The following MTMR9 variants were observed in gnomAD, a reference collection of about 807,000 sequenced individuals.
MTMR9 encodes myotubularin related protein 9, also known as myotubularin-related protein 9.
MTMR9 carries 39 observed loss-of-function variants against 69.5 expected under a neutral mutation model. The observed-to-expected ratio is 0.56, with a 90% confidence interval of 0.43 to 0.73. MTMR9 has a LOEUF of 0.73. Ranked by LOEUF, MTMR9 falls within the 30% of genes least tolerant of loss-of-function variation. MTMR9 has a pLI of 0.00. For synonymous variants in MTMR9, 354 were observed against 240.8 expected (o/e 1.47, Z -4.35); for missense variants, 900 against 671.2 (o/e 1.34, Z -3.77).
chr8:11,298,931 C>A, intron 2 of MTMR9: 1 of 929,258 alleles, frequency 1.1e-6, no homozygotes, highest in Non-Finnish European at 1.3e-6. Context: ...AGAATGGATC[C>A]CTGCAGCATG....
At chr8:11,306,155 C>G (rs1378186241) in intron 4 of MTMR9, 35 bp from the exon 5 acceptor site, 3 of 1,584,514 alleles carry the variant, frequency 1.9e-6, no homozygotes, top group Non-Finnish European at 2.6e-6. Context: ...TTAAAAGCAA[C>G]TGCTGTTGAA....
intron 6 of MTMR9, among the ~76,000 whole-genome samples, chr8:11,310,982 C>A (rs1319871422): frequency 6.6e-6 from 1 of 152,104 alleles, no homozygotes; most frequent in Non-Finnish European, 1.5e-5. Context: ...TTAATTTTGC[C>A]ATGTTTGAGT....
At chr8:11,331,573 G>T, downstream of MTMR9, 1 of 1,613,764 alleles carries the variant, frequency 6.2e-7, no homozygotes, top group South Asian at 1.1e-5. Context: ...GGTCTCGGTG[G>T]CTACGAGTGG....
chr8:11,284,955 C>A lies in MTMR9; in HGVS notation c.67C>A (p.Pro23Thr), dbSNP rs774089621. 4 of 1,613,968 alleles carry A rather than the reference C, an allele frequency of 2.5e-6. No homozygotes were observed. In the Admixed American group the frequency reaches 6.7e-5, roughly 27 times the overall value. ...TGTGGTGCTGCACCGGCCTTTCTAC[C>A]CGGCTGTCGAGGGCACCCTGTGCCT... ...DNVVLHRPFYPAVEGTLCLTG... is the reference protein window; with the variant it reads ...DNVVLHRPFYTAVEGTLCLTG... Residue 23 changes from proline (P) to threonine (T), a missense_variant, in exon 1 of 10, where the codon CCG (proline) becomes ACG (threonine). Coordinates refer to ENST00000221086, the MANE Select transcript of MTMR9 (RefSeq NM_015458.4).
In MTMR9 at chr8:11,324,989, C is replaced by T. The variant is rs1234585346; in HGVS notation, c.*2201C>T. ...GGGATGATGTACCATCAAGGTAGAC[C>T]CATCTTCCTGATGCACATTTGCTGT... is the stretch of plus-strand genomic sequence containing the variant. On this transcript the variant is annotated 3_prime_UTR_variant, in exon 10 of 10. Coordinates refer to ENST00000221086, the MANE Select transcript of MTMR9 (RefSeq NM_015458.4). 1 of 152,194 alleles carries T rather than the reference C, an allele frequency of 6.6e-6. No homozygotes were observed. Among genetic ancestry groups the T allele is most frequent in the East Asian group, 1.9e-4 (1 of 5,196 alleles). 9.4% of individuals were successfully genotyped at this position (152,194 alleles called of 1,614,324 possible). A position where few individuals can be genotyped will look rare whatever the true frequency, so the allele number is the denominator to read the frequency against.
Position 11,322,692 on chromosome 8 carries a change from C to G in MTMR9, c.1554C>G (p.Ile518Met), listed in dbSNP as rs765889359. Reference sequence around the variant, plus strand: ...AAGCATATGAAGAAATGGTTAACATCATTGAATATAATAAAGAATTACAAG... The same window carrying G: ...AAGCATATGAAGAAATGGTTAACATGATTGAATATAATAAAGAATTACAAG... ...LDEAYEEMVN[I>M]IEYNKELQAK... The change falls in exon 10 of 10, where the codon ATC becomes ATG. Residue 518 changes from isoleucine to methionine, a missense_variant. Ile to Met is a conservative substitution (Grantham distance 10, BLOSUM62 1). Coordinates refer to ENST00000221086, the MANE Select transcript of MTMR9 (RefSeq NM_015458.4). The G allele has an allele frequency of 1.2e-6, 2 of 1,613,642 alleles. No homozygotes were observed. Among genetic ancestry groups the G allele is most frequent in the Non-Finnish European group, 1.7e-6 (2 of 1,179,694 alleles).
chr8:11,301,349 T>C (rs1321502061), intron 3 of MTMR9, among the ~76,000 whole-genome samples: 1 of 152,116 alleles, frequency 6.6e-6, no homozygotes, highest in African/African-American at 2.4e-5. Flanking sequence ...AAATAAACCT[T>C]CCCCTTAATG....
chr8:11,316,786 T>C lies in MTMR9; in HGVS notation c.1227T>C (p.Arg409=). 1 of 1,614,016 alleles carries C rather than the reference T, an allele frequency of 6.2e-7. No individual in the cohort carries two copies. Among genetic ancestry groups the C allele is most frequent in the Non-Finnish European group, 8.5e-7 (1 of 1,179,980 alleles). The change falls in exon 8 of 10, where the codon CGT becomes CGC. Residue 409 remains arginine (R), a synonymous_variant. Coordinates refer to ENST00000221086, the MANE Select transcript of MTMR9 (RefSeq NM_015458.4). ...LFLDCVWQIL[R]QFPCSFEFNE... ...TGGACTGCGTGTGGCAGATCCTTCG[T>C]CAGTTTCCCTGTTCTTTTGAGTTTA...
downstream of MTMR9, among the ~76,000 whole-genome samples, chr8:11,329,676 C>A (rs1007124861): frequency 6.6e-6 from 1 of 152,232 alleles, no homozygotes. Context: ...ACCTCCACCT[C>A]CCAGCCGCCT....
In MTMR9 at chr8:11,327,055, T is replaced by C. The variant is rs545230774; in HGVS notation, c.*4267T>C. 1 of 152,286 alleles carries C rather than the reference T, an allele frequency of 6.6e-6. No homozygotes were observed. The highest frequency in any genetic ancestry group is 1.9e-4 in the East Asian group (1 of 5,186). 9.4% of individuals were successfully genotyped at this position (152,286 alleles called of 1,614,324 possible). A position where few individuals can be genotyped will look rare whatever the true frequency, so the allele number is the denominator to read the frequency against. On this transcript the variant is annotated 3_prime_UTR_variant, in exon 10 of 10. Transcript: ENST00000221086. ...ATATACTGATACTATAACTTTCTTA[T>C]GGTATCAGTTTTCTTTATTTTCTTG...
At chr8:11,295,051 CCTTG>C (rs1385018525) in intron 1 of MTMR9, 139 bp from the exon 2 acceptor site, 11 of 509,502 alleles carry the variant, frequency 2.2e-5, no homozygotes, top group Admixed American at 3.5e-5. Flanking sequence ...AATGATGCAG[CCTTG>C]CTTCTTCCTT....
At chr8:11,330,143 G>C (rs892685011), downstream of MTMR9, among the ~76,000 whole-genome samples, 4 of 151,920 alleles carry the variant, frequency 2.6e-5, no homozygotes, top group African/African-American at 7.2e-5. Context: ...CCCCGTCCGG[G>C]AGGGAGGTCG....
chr8:11,335,221 G>T, the MTMR9 span, among the ~76,000 whole-genome samples: 3 of 152,180 alleles, frequency 2.0e-5, no homozygotes, highest in South Asian at 6.2e-4. Context: ...TTATAGCAAG[G>T]TTGCAGGGTG....
At chr8:11,294,394 T>G (rs1228774177) in intron 1 of MTMR9, among the ~76,000 whole-genome samples, 1 of 152,108 alleles carries the variant, frequency 6.6e-6, no homozygotes, top group Admixed American at 6.6e-5. Context: ...GTAAATGCCC[T>G]TATCAGGTTG....
chr8:11,319,022 C>A (rs1800547709), intron 8 of MTMR9: 1 of 151,796 alleles, frequency 6.6e-6, no homozygotes, highest in Non-Finnish European at 1.5e-5. Flanking sequence ...CAGAATCTCA[C>A]AAATCGCCAC....
rs1437171249 is a variant in MTMR9, at chr8:11,319,942, G to GC, written c.1486+107dup. ...GTATGAAGATGGTGAGCTGGACGTGGCCCTCAGACCTGTGTGAATTGTCAT... is the reference window on the plus strand; with the variant it reads ...GTATGAAGATGGTGAGCTGGACGTGGCCCCTCAGACCTGTGTGAATTGTCAT... On this transcript the variant is annotated intron_variant, in intron 9 of 9. Transcript: ENST00000221086. 52 of 1,159,176 alleles carry GC rather than the reference G, an allele frequency of 4.5e-5. 2 individuals carry two copies. In the South Asian group the frequency reaches 7.5e-4, roughly 17 times the overall value. The allele number at this position is 1,159,176 out of a possible 1,614,324, so 71.8% of individuals were successfully genotyped here. A position where few individuals can be genotyped will look rare whatever the true frequency, so the allele number is the denominator to read the frequency against.
chr8:11,293,018 C>G (rs968004310), intron 1 of MTMR9, among the ~76,000 whole-genome samples: 1 of 152,176 alleles, frequency 6.6e-6, no homozygotes, highest in Non-Finnish European at 1.5e-5. Flanking sequence ...AGAATGTTAA[C>G]TGTAAAACAG....
chr8:11,306,949 C>T (rs774231794), intron 5 of MTMR9, among the ~76,000 whole-genome samples: 6 of 152,226 alleles, frequency 3.9e-5, no homozygotes, highest in Non-Finnish European at 7.3e-5. Flanking sequence ...TTAGATTCCA[C>T]ATATAAGTGA....
At chr8:11,317,536 G>A (rs920463769) in intron 8 of MTMR9, 1 of 152,156 alleles carries the variant, frequency 6.6e-6, no homozygotes, top group Non-Finnish European at 1.5e-5. Context: ...GATCTGACAG[G>A]AGGTGGAAAT....
Sources: gnomAD v4.1 joint callset for allele counts (sites outside exome capture counted in the v4.1 genomes callset) on GRCh38, gnomAD v4.1.1 for gene constraint, MANE v1.5 for transcripts, NCBI Gene and HGNC (gene_info 2026-07-23, HGNC 2026-07-21) for gene names.